The following DENND3 variants were observed in gnomAD, a reference collection of about 807,000 sequenced individuals.
DENND3 encodes DENN domain containing 3, also known as DENN domain-containing protein 3.
DENND3 carries 88 observed loss-of-function variants against 135.1 expected under a neutral mutation model. The ratio of observed to expected loss-of-function variants is 0.65; its 90% CI spans 0.55 to 0.78. DENND3 has a LOEUF of 0.78. DENND3 is among the 30% of genes least tolerant of loss of function. The probability of loss-of-function intolerance (pLI) is 0.00; values close to 1 mark genes in which losing one functional copy is unlikely to be tolerated. For missense variants in DENND3, 1,392 were observed against 1,688.4 expected (o/e 0.82, Z 3.08); for synonymous variants, 693 against 712.3 (o/e 0.97, Z 0.43).
At chr8:141,180,724 A>G (rs1822987342) in intron 16 of DENND3, 23 bp from the exon 17 acceptor site, 1 of 1,604,534 alleles carries the variant, frequency 6.2e-7, no homozygotes, top group Non-Finnish European at 8.5e-7. Flanking sequence ...CAACAGTAAC[A>G]CTCCAAGTGT....
intron 8 of DENND3, chr8:141,158,169 G>GAATC: frequency 7.8e-7 from 1 of 1,289,570 alleles, no homozygotes; most frequent in Non-Finnish European, 1.0e-6. Context: ...TTGGGCTGTG[G>GAATC]AATCGCTGGG....
chr8:141,139,832 G>A lies in DENND3; in HGVS notation c.502-1371G>A, dbSNP rs958658714. The stretch of plus-strand genomic sequence containing the variant: ...GCCTTCCCAGCAGCTGTGTAGTTTC[G>A]GGGTATCCCCAGGTCCCACAGCACT... On this transcript the variant is annotated intron_variant, in intron 3 of 22. Coordinates refer to ENST00000519811, the MANE Select transcript of DENND3 (RefSeq NM_001352890.3). The surrounding 1 kb of genome is among the most constrained non-coding windows in gnomAD (Gnocchi z 4.2). 3.3e-5 allele frequency among the ~76,000 whole-genome samples: 5 copies of A among 152,062 alleles called. No individual in the cohort carries two copies. The highest frequency in any genetic ancestry group is 4.1e-4 in the South Asian group (2 of 4,824).
At chr8:141,145,803 TTATATATATATATATATATA>T (rs60546894) in intron 5 of DENND3, among the ~76,000 whole-genome samples, 4,264 of 87,100 alleles carry the variant, frequency 0.049, 260 homozygotes, top group African/African-American at 0.097. Context: ...ATATTGAATA[TTATATATATATATATATATA>T]TATATATATA....
At chr8:141,135,527 G>T (rs982797403) in intron 1 of DENND3, among the ~76,000 whole-genome samples, 1 of 152,082 alleles carries the variant, frequency 6.6e-6, no homozygotes, top group African/African-American at 2.4e-5. Context: ...CCATGCCTTG[G>T]GTACCCAGGG....
In DENND3 at chr8:141,166,143, A is replaced by T. The variant is rs745957047; in HGVS notation, c.1554-47A>T. ...ATGCTTAGTTTAGGCTTATTCTTCA[A>T]TCATTATTGTGTCTATAAACTAACG... On this transcript the variant is annotated intron_variant, in intron 11 of 22. Coordinates refer to ENST00000519811, the MANE Select transcript of DENND3 (RefSeq NM_001352890.3). This position sits in a 1 kb window ranked among gnomAD's most constrained non-coding sequence, Gnocchi z 4.3. The T allele has an allele frequency of 6.3e-7, 1 of 1,577,372 alleles. No individual in the cohort carries two copies. The highest frequency in any genetic ancestry group is 1.1e-5 in the South Asian group (1 of 90,044).
chr8:141,157,537 C>G, intron 8 of DENND3: 1 of 985,830 alleles, frequency 1.0e-6, no homozygotes, highest in African/African-American at 1.7e-5. Context: ...AACAGCCGGG[C>G]TGTACTTGCT....
rs756006756 is a variant in DENND3, at chr8:141,167,996, T to C, written c.1754-8T>C. On this transcript the variant is annotated splice_region_variant and splice_polypyrimidine_tract_variant and intron_variant, in intron 12 of 22. Coordinates refer to ENST00000519811, the MANE Select transcript of DENND3 (RefSeq NM_001352890.3). This position sits in a 1 kb window ranked among gnomAD's most constrained non-coding sequence, Gnocchi z 4.1. Reference sequence around the variant, plus strand: ...CTAATGGTCTCCTTTTCCCCCTGAATGTTTTAGTTCTGAATGTCACGCCGA... The same window carrying C: ...CTAATGGTCTCCTTTTCCCCCTGAACGTTTTAGTTCTGAATGTCACGCCGA... The C allele has an allele frequency of 1.0e-5, 16 of 1,600,984 alleles. No homozygotes were observed. Among genetic ancestry groups the C allele is most frequent in the Non-Finnish European group, 1.3e-5 (15 of 1,171,196 alleles).
chr8:141,159,600 G>A (rs967743124), intron 8 of DENND3, among the ~76,000 whole-genome samples: 3 of 152,182 alleles, frequency 2.0e-5, no homozygotes, highest in Non-Finnish European at 2.9e-5. Flanking sequence ...GAAGTGCCAC[G>A]CAGGCAGGGG....
chr8:141,168,192 C>G lies in DENND3; in HGVS notation c.1942C>G (p.Leu648Val). The part of the protein sequence containing the change: ...RYLYLRGLVY[L>V]MQGQLLNALL... Reference sequence around the variant, plus strand: ...TTTGTACCTCCGAGGGCTCGTTTATCTGATGCAGGGACAGCTGCTGAACGC... The same window carrying G: ...TTTGTACCTCCGAGGGCTCGTTTATGTGATGCAGGGACAGCTGCTGAACGC... The change falls in exon 13 of 23, where the codon CTG becomes GTG. Residue 648 changes from leucine to valine, a missense_variant. Coordinates refer to ENST00000519811, the MANE Select transcript of DENND3 (RefSeq NM_001352890.3). This position sits in a 1 kb window ranked among gnomAD's most constrained non-coding sequence, Gnocchi z 6.2. 6.2e-7 allele frequency: 1 copy of G among 1,614,186 alleles called. No individual in the cohort carries two copies. Among genetic ancestry groups the G allele is most frequent in the Admixed American group, 1.7e-5 (1 of 60,030 alleles).
chr8:141,141,992 T>G lies in DENND3; in HGVS notation c.623+668T>G, dbSNP rs939996695. The G allele has an allele frequency of 2.6e-5, 6 of 227,812 alleles. No individual in the cohort carries two copies. Among genetic ancestry groups the G allele is most frequent in the Non-Finnish European group, 4.4e-5 (5 of 112,434 alleles). The allele number at this position is 227,812 out of a possible 1,614,324, so 14.1% of individuals were successfully genotyped here. A position where few individuals can be genotyped will look rare whatever the true frequency, so the allele number is the denominator to read the frequency against. On this transcript the variant is annotated intron_variant, in intron 4 of 22. Transcript: ENST00000519811. This position sits in a 1 kb window ranked among gnomAD's most constrained non-coding sequence, Gnocchi z 5.3. ...CTAGGAGTTCAAGGCTGCAGTGAGC[T>G]GTGATTGCACCACCACACTCCAGCC... is the stretch of plus-strand genomic sequence containing the variant.
At chr8:141,177,969 G>A (rs1242904380) in intron 15 of DENND3, 98 bp from the exon 16 acceptor site, 2 of 1,422,216 alleles carry the variant, frequency 1.4e-6, no homozygotes, top group South Asian at 1.6e-5. Flanking sequence ...TTGGAAAAAG[G>A]CATTTTGGAA....
In DENND3 at chr8:141,174,050, C is replaced by T. The variant is rs1822003169; in HGVS notation, c.2276-1150C>T. On this transcript the variant is annotated intron_variant, in intron 13 of 22. Transcript: ENST00000519811. This position sits in a 1 kb window ranked among gnomAD's most constrained non-coding sequence, Gnocchi z 4.6. ...CCTTATCGGGGAAGGCGTGCGTGGG[C>T]ATGCCTACCTGGGTGTTGAGGGATG... Among the ~76,000 whole-genome samples the T allele has an allele frequency of 6.6e-6, 1 of 152,154 alleles. No individual in the cohort carries two copies. The highest frequency in any genetic ancestry group is 6.5e-5 in the Admixed American group (1 of 15,282).
chr8:141,193,014 T>G, intron 22 of DENND3: 2 of 749,816 alleles, frequency 2.7e-6, no homozygotes, highest in South Asian at 2.1e-5. Context: ...TCCAGGCCCT[T>G]CTCTCCCCCA....
intron 6 of DENND3, 139 bp from the exon 7 acceptor site, chr8:141,151,480 A>T: frequency 1.3e-6 from 1 of 743,700 alleles, no homozygotes; most frequent in Non-Finnish European, 2.2e-6. Flanking sequence ...AGGATTGCTT[A>T]AGCCCAGGAG....
chr8:141,188,036 ACATCAGCCAGGCGTGGTGGCAT>A (rs1824138539), intron 18 of DENND3, among the ~76,000 whole-genome samples: 1 of 144,196 alleles, frequency 6.9e-6, no homozygotes, highest in African/African-American at 2.6e-5. Context: ...AAACTGCCAA[ACATCAGCCAGGCGTGGTGGCAT>A]CAGCCAGGCG....
chr8:141,182,560 T>G lies in DENND3; in HGVS notation c.2944+1706T>G, dbSNP rs1450940060. 5.5e-6 allele frequency: 5 copies of G among 913,282 alleles called. No homozygotes were observed. The highest frequency in any genetic ancestry group is 1.1e-3 in the Middle Eastern group (2 of 1,844). 56.6% of individuals were successfully genotyped at this position (913,282 alleles called of 1,614,324 possible). ...GCTTCCTGTTGTGACGGGCGAGGAG[T>G]TCAGGCGGCTTCCCCTCCAGGAGCA... On this transcript the variant is annotated intron_variant, in intron 17 of 22. Coordinates refer to ENST00000519811, the MANE Select transcript of DENND3 (RefSeq NM_001352890.3). The surrounding 1 kb of genome is among the most constrained non-coding windows in gnomAD (Gnocchi z 5.9).
At chr8:141,131,295 G>A (rs1031022085) in intron 1 of DENND3, among the ~76,000 whole-genome samples, 4 of 152,268 alleles carry the variant, frequency 2.6e-5, no homozygotes, top group South Asian at 2.1e-4. Context: ...ACTAGACATA[G>A]GTGTGACAGG....
At chr8:141,145,820 TATA>T (rs1817971731) in intron 5 of DENND3, among the ~76,000 whole-genome samples, 2 of 36,616 alleles carry the variant, frequency 5.5e-5, no homozygotes, top group African/African-American at 2.1e-4. Context: ...TATATATATA[TATA>T]TATATATATA....
chr8:141,171,751 T>C (rs1436448823), intron 13 of DENND3, among the ~76,000 whole-genome samples: 2 of 150,898 alleles, frequency 1.3e-5, no homozygotes, highest in Non-Finnish European at 3.0e-5. Flanking sequence ...GTAGTAGCCA[T>C]AGGTGTGCAC....
Sources: allele counts gnomAD v4.1 joint callset (sites outside exome capture counted in the v4.1 genomes callset), GRCh38; gene constraint gnomAD v4.1.1; non-coding constraint Gnocchi (gnomAD v3.1); transcripts MANE v1.5; gene names NCBI Gene and HGNC (gene_info 2026-07-23, HGNC 2026-07-21).